The following ZFP2 variants were observed in gnomAD, a reference collection of about 807,000 sequenced individuals.
ZFP2 encodes zinc finger protein ZFP2.
Under a neutral mutation model 36.1 loss-of-function variants are expected in ZFP2, and 33 were observed. The ratio of observed to expected loss-of-function variants is 0.92; its 90% CI spans 0.69 to 1.22. The LOEUF (loss-of-function observed/expected upper bound fraction) is 1.22, where lower values mean the gene tolerates loss of function less well. Ranked by LOEUF, ZFP2 falls within the 50% of genes most tolerant of loss-of-function variation. The pLI is 0.00. For missense variants in ZFP2, 522 were observed against 551.4 expected (o/e 0.95, Z 0.53); for synonymous variants, 170 against 178.0 (o/e 0.96, Z 0.36).
intron 4 of ZFP2, among the ~76,000 whole-genome samples, chr5:178,921,620 C>T (rs966686577): frequency 1.2e-4 from 18 of 149,542 alleles, no homozygotes; most frequent in African/African-American, 4.4e-4. Flanking sequence ...ATTAGAAGTC[C>T]TTTTCCTGCT....
chr5:178,898,405 C>G (rs762128699), intron 1 of ZFP2, among the ~76,000 whole-genome samples: 1 of 152,226 alleles, frequency 6.6e-6, no homozygotes, highest in Non-Finnish European at 1.5e-5. Context: ...TATGTCATGT[C>G]TCTCTGTCTT....
chr5:178,929,441 T>G (rs1481070442), intron 4 of ZFP2, among the ~76,000 whole-genome samples: 1 of 152,204 alleles, frequency 6.6e-6, no homozygotes, highest in Non-Finnish European at 1.5e-5. Context: ...GCTTTGCTGC[T>G]TAGAAATTTC....
chr5:178,913,541 TGA>T (rs1381034905), intron 3 of ZFP2, among the ~76,000 whole-genome samples: 3 of 152,258 alleles, frequency 2.0e-5, no homozygotes, highest in African/African-American at 4.8e-5. Context: ...CTGCATTGTG[TGA>T]GAGAGTTTTA....
chr5:178,931,596 ATGTT>A lies in ZFP2; in HGVS notation c.287_290del (p.Phe96Ter). 1 of 1,614,186 alleles carries A rather than the reference ATGTT, an allele frequency of 6.2e-7. No individual in the cohort carries two copies. The highest frequency in any genetic ancestry group is 8.5e-7 in the Non-Finnish European group (1 of 1,180,032). On this transcript the variant is annotated frameshift_variant, in exon 5 of 5. Transcript: ENST00000361362. LOFTEE classifies it high-confidence loss of function. ...TTCTGAGTTAATTAAAACTCAAAGA[ATGTT>A]TGTAGGAAAGAAGATCTATGAATGT...
rs145620654 is a variant in ZFP2, at chr5:178,922,004, A to G, written c.-78+5294A>G. 5 of 646,804 alleles carry G rather than the reference A, an allele frequency of 7.7e-6. No individual in the cohort carries two copies. The East Asian group carries it at 1.0e-4, about 13-fold the overall frequency. 40.1% of individuals were successfully genotyped at this position (646,804 alleles called of 1,614,324 possible). A position where few individuals can be genotyped will look rare whatever the true frequency, so the allele number is the denominator to read the frequency against. On this transcript the variant is annotated intron_variant, in intron 4 of 4. Coordinates refer to ENST00000361362, the MANE Select transcript of ZFP2 (RefSeq NM_030613.4). ...ATTATGGGCCATTCTTATTTACTGTAAAAACATTTAAAGCTCCTTCCGCAG... is the reference window on the plus strand; with the variant it reads ...ATTATGGGCCATTCTTATTTACTGTGAAAACATTTAAAGCTCCTTCCGCAG...
chr5:178,921,369 A>G (rs961993345), intron 4 of ZFP2, among the ~76,000 whole-genome samples: 2 of 150,038 alleles, frequency 1.3e-5, no homozygotes, highest in African/African-American at 4.8e-5. Context: ...GACCATCCCT[A>G]TGTAGAGCCA....
chr5:178,931,095 G>C, intron 4 of ZFP2, 142 bp from the exon 5 acceptor site: 2 of 807,238 alleles, frequency 2.5e-6, no homozygotes, highest in Non-Finnish European at 3.5e-6. Flanking sequence ...ACCTAATTTT[G>C]GGTACATGTT....
chr5:178,907,419 T>TA (rs1758189451), intron 1 of ZFP2, among the ~76,000 whole-genome samples: 1 of 151,536 alleles, frequency 6.6e-6, no homozygotes. Context: ...CCTGTAAACC[T>TA]AAACAGTCAT....
chr5:178,932,546 A>T lies in ZFP2; in HGVS notation c.1233A>T (p.Glu411Asp). The T allele has an allele frequency of 4.3e-6, 7 of 1,614,062 alleles. No homozygotes were observed. The highest frequency in any genetic ancestry group is 5.9e-6 in the Non-Finnish European group (7 of 1,180,008). ...QRIHTGEKPYECDQCGKAFIK... is the reference protein window; with the variant it reads ...QRIHTGEKPYDCDQCGKAFIK... ...TTCATACTGGTGAGAAACCCTATGA[A>T]TGTGATCAGTGTGGAAAAGCCTTCA... is the stretch of plus-strand genomic sequence containing the variant. Residue 411 changes from glutamate (E) to aspartate (D), a missense_variant, in exon 5 of 5, where the codon GAA becomes GAT. Physicochemically the swap from Glu to Asp is conservative, Grantham distance 45. Transcript: ENST00000361362.
At chr5:178,917,471 C>T (rs1415487777) in intron 4 of ZFP2, among the ~76,000 whole-genome samples, 2 of 152,086 alleles carry the variant, frequency 1.3e-5, no homozygotes, top group Admixed American at 1.3e-4. Flanking sequence ...AAAAATTAGC[C>T]AGGTATGGTG....
At chr5:178,910,277 A>G in intron 1 of ZFP2, 2 of 1,412,776 alleles carry the variant, frequency 1.4e-6, no homozygotes, top group Non-Finnish European at 2.0e-6. Flanking sequence ...GGTCATTGCA[A>G]AAGTGCTCCA....
At chr5:178,930,417 T>G (rs901665085) in intron 4 of ZFP2, among the ~76,000 whole-genome samples, 3 of 144,882 alleles carry the variant, frequency 2.1e-5, no homozygotes, top group African/African-American at 7.6e-5. Context: ...ACCTCCTGGG[T>G]TCAAGCAACT....
intron 1 of ZFP2, among the ~76,000 whole-genome samples, chr5:178,903,744 T>C (rs1018218396): frequency 5.3e-5 from 8 of 152,056 alleles, no homozygotes; most frequent in African/African-American, 4.8e-5. Flanking sequence ...CCGAGGTGGG[T>C]GGATCACGAA....
chr5:178,910,011 A>G lies in ZFP2; in HGVS notation c.-449-2573A>G, dbSNP rs1323383834. The G allele has an allele frequency of 2.8e-6, 4 of 1,435,630 alleles. No homozygotes were observed. The East Asian group carries it at 6.8e-5, about 25-fold the overall frequency. The allele number at this position is 1,435,630 out of a possible 1,614,324, so 88.9% of individuals were successfully genotyped here. A position where few individuals can be genotyped will look rare whatever the true frequency, so the allele number is the denominator to read the frequency against. ...GACTAGTTTCCATAGGGTGATGGCTATTTGCCGATGCAGTGACCACTGCCC... is the reference window on the plus strand; with the variant it reads ...GACTAGTTTCCATAGGGTGATGGCTGTTTGCCGATGCAGTGACCACTGCCC... On this transcript the variant is annotated intron_variant, in intron 1 of 4. Coordinates refer to ENST00000361362, the MANE Select transcript of ZFP2 (RefSeq NM_030613.4).
intron 1 of ZFP2, among the ~76,000 whole-genome samples, chr5:178,902,686 ATCT>A (rs1171368237): frequency 2.0e-5 from 3 of 152,200 alleles, no homozygotes; most frequent in African/African-American, 7.2e-5. Flanking sequence ...CTTAAAATAA[ATCT>A]TCTTCCTACT....
intron 4 of ZFP2, among the ~76,000 whole-genome samples, chr5:178,921,183 T>C (rs1758554430): frequency 6.6e-6 from 1 of 152,198 alleles, no homozygotes; most frequent in Admixed American, 6.5e-5. Flanking sequence ...GTCAGATTCA[T>C]GCATATGTAT....
rs115568624 is a variant in ZFP2 at position 178,915,276 on chromosome 5, C to T, written c.-223-1289C>T. On this transcript the variant is annotated intron_variant, in intron 3 of 4. Coordinates refer to ENST00000361362, the MANE Select transcript of ZFP2 (RefSeq NM_030613.4). Reference sequence around the variant, plus strand: ...GTGTTTTCATCTCCCACTTCTTTACCCCATTCGTGCTTCCCTACTGGGTTA... The same window carrying T: ...GTGTTTTCATCTCCCACTTCTTTACTCCATTCGTGCTTCCCTACTGGGTTA... Among the ~76,000 whole-genome samples the T allele has an allele frequency of 6.7e-3, 1,020 of 151,394 alleles. 4 individuals are homozygous for T. Among genetic ancestry groups the T allele is most frequent in the Non-Finnish European group, 8.6e-3 (584 of 67,908 alleles).
intron 4 of ZFP2, among the ~76,000 whole-genome samples, chr5:178,929,804 C>G (rs192199756): frequency 5.9e-5 from 9 of 152,234 alleles, no homozygotes; most frequent in African/African-American, 1.7e-4. Flanking sequence ...TCTCCACTTC[C>G]CCGTACCAAT....
intron 1 of ZFP2, among the ~76,000 whole-genome samples, chr5:178,908,944 C>T (rs1346443358): frequency 1.3e-5 from 2 of 152,094 alleles, no homozygotes; most frequent in Non-Finnish European, 2.9e-5. Context: ...TAAAACCCCT[C>T]GTGGCCTTTG....
Sources: gnomAD v4.1 joint callset for allele counts (sites outside exome capture counted in the v4.1 genomes callset) on GRCh38, gnomAD v4.1.1 for gene constraint, MANE v1.5 for transcripts, NCBI Gene and HGNC (gene_info 2026-07-23, HGNC 2026-07-21) for gene names.